Variants in GPALPP1 observed in about 807,000 individuals in gnomAD.
The protein encoded by GPALPP1 is GPALPP motifs-containing protein 1.
In GPALPP1, 30 loss-of-function variants were observed where a neutral mutation model predicts 38.9. That is an observed-to-expected ratio of 0.77 (90% CI 0.58 to 1.05). GPALPP1 has a LOEUF of 1.05. Ranked by LOEUF, GPALPP1 falls within the 50% of genes least tolerant of loss-of-function variation. GPALPP1 has a pLI of 0.00. For synonymous variants in GPALPP1, 120 were observed against 139.2 expected, an observed-to-expected ratio of 0.86 and a Z score of 0.97; for missense variants, 384 against 408.8, an observed-to-expected ratio of 0.94 and a Z score of 0.52.
intron 7 of GPALPP1, among the ~76,000 whole-genome samples, chr13:45,025,181 G>GT (rs999434356): frequency 1.7e-4 from 26 of 152,188 alleles, no homozygotes; most frequent in Non-Finnish European, 2.1e-4. Context: ...CATCAATTGT[G>GT]TTTTTTTATA....
chr13:45,018,970 CATATAAATATATAT>C (rs1875098107), intron 6 of GPALPP1, among the ~76,000 whole-genome samples: 1 of 72,866 alleles, frequency 1.4e-5, no homozygotes, highest in African/African-American at 4.4e-5. Context: ...AATATATATA[CATATAAATATATAT>C]ACATATAAAT....
rs181264358 is a variant in GPALPP1 at position 45,023,377 on chromosome 13, T to C, written c.804+2949T>C. 6.6e-5 allele frequency among the ~76,000 whole-genome samples: 10 copies of C among 152,368 alleles called. No individual in the cohort carries two copies. The East Asian group carries it at 1.9e-3, about 29-fold the overall frequency. On this transcript the variant is annotated intron_variant, in intron 7 of 7. Transcript: ENST00000379151. Reference sequence around the variant, plus strand: ...TCATGAATTTGAGCACTTGAATTGTTTGGATTGATTGTATAATAATAGTCC... The same window carrying C: ...TCATGAATTTGAGCACTTGAATTGTCTGGATTGATTGTATAATAATAGTCC...
rs959921461 is a variant in GPALPP1, at chr13:45,029,451, G to C, written c.*1448G>C. On this transcript the variant is annotated 3_prime_UTR_variant, in exon 8 of 8. Transcript: ENST00000379151. Reference sequence around the variant, plus strand: ...ATTCTATGTGCCTTTAGCTTCTGTGGAAGTATGGGGAATTATGGGCTTTTC... The same window carrying C: ...ATTCTATGTGCCTTTAGCTTCTGTGCAAGTATGGGGAATTATGGGCTTTTC... 2.6e-5 allele frequency: 4 copies of C among 152,296 alleles called. No individual in the cohort carries two copies. Among genetic ancestry groups the C allele is most frequent in the Non-Finnish European group, 4.4e-5 (3 of 68,032 alleles). 9.4% of individuals were successfully genotyped at this position (152,296 alleles called of 1,614,324 possible). A position where few individuals can be genotyped will look rare whatever the true frequency, so the allele number is the denominator to read the frequency against.
intron 1 of GPALPP1, among the ~76,000 whole-genome samples, chr13:44,995,191 C>CAA (rs1384716077): frequency 1.3e-4 from 5 of 39,226 alleles, no homozygotes; most frequent in African/African-American, 2.3e-4. Flanking sequence ...CACACACACA[C>CAA]ACACACACAC....
chr13:44,995,456 C>CA (rs1423391386), intron 1 of GPALPP1, among the ~76,000 whole-genome samples: 1 of 151,842 alleles, frequency 6.6e-6, no homozygotes, highest in Non-Finnish European at 1.5e-5. Flanking sequence ...TAATGATTCC[C>CA]AGTGAGAGTT....
At position 45,006,193 on chromosome 13, in the gene GPALPP1, T is replaced by C. The variant is rs199840712; in HGVS notation, c.222-9T>C. ...ATATATGCATAAAGTTATACTACTATGTTTTCAGAAAACAGAGGAAAAATC... is the reference window on the plus strand; with the variant it reads ...ATATATGCATAAAGTTATACTACTACGTTTTCAGAAAACAGAGGAAAAATC... On this transcript the variant is annotated splice_polypyrimidine_tract_variant and intron_variant, in intron 2 of 7. Transcript: ENST00000379151. 16 of 1,565,096 alleles carry C rather than the reference T, an allele frequency of 1.0e-5. No individual in the cohort carries two copies. The highest frequency in any genetic ancestry group is 1.4e-5 in the Non-Finnish European group (16 of 1,142,852).
At chr13:45,007,066 T>C (rs1350477042) in intron 3 of GPALPP1, among the ~76,000 whole-genome samples, 1 of 152,084 alleles carries the variant, frequency 6.6e-6, no homozygotes, top group African/African-American at 2.4e-5. Flanking sequence ...TAACTTTAGT[T>C]GTTTCAGATA....
Position 45,008,798 on chromosome 13 carries a change from C to T in GPALPP1, c.327C>T (p.Pro109=). Reference sequence around the variant, plus strand: ...AAAAGTACATTTTATTTTTCAGGCCCATAATAGGTCCTGCATTGCCACCTG... The same window carrying T: ...AAAAGTACATTTTATTTTTCAGGCCTATAATAGGTCCTGCATTGCCACCTG... ...FKKQDDSPPR[P]IIGPALPPGF... is the part of the protein sequence containing the mutation. Residue 109 remains proline (P), a synonymous_variant, in exon 4 of 8, where the codon CCC becomes CCT. Coordinates refer to ENST00000379151, the MANE Select transcript of GPALPP1 (RefSeq NM_018559.5). The T allele has an allele frequency of 6.6e-7, 1 of 1,524,906 alleles. No individual in the cohort carries two copies. The highest frequency in any genetic ancestry group is 1.4e-5 in the African/African-American group (1 of 73,292). 94.5% of individuals were successfully genotyped at this position (1,524,906 alleles called of 1,614,324 possible).
chr13:45,010,371 A>T (rs1181661919), intron 4 of GPALPP1, among the ~76,000 whole-genome samples: 1 of 151,640 alleles, frequency 6.6e-6, no homozygotes, highest in African/African-American at 2.4e-5. Flanking sequence ...CCCTTCTTTA[A>T]TTTTCCCCAT....
Position 44,992,087 on chromosome 13 carries a change from T to G in GPALPP1, c.88+2345T>G, listed in dbSNP as rs141803124. 1.7e-3 allele frequency among the ~76,000 whole-genome samples: 263 copies of G among 152,382 alleles called. 2 individuals carry two copies. Among genetic ancestry groups the G allele is most frequent in the African/African-American group, 5.9e-3 (245 of 41,592 alleles). ...ATGCATTGTAGTATATGTCTTATGGTAGATACTCCCAGCTTCCAAAGTCAC... is the reference window on the plus strand; with the variant it reads ...ATGCATTGTAGTATATGTCTTATGGGAGATACTCCCAGCTTCCAAAGTCAC... On this transcript the variant is annotated intron_variant, in intron 1 of 7. Transcript: ENST00000379151.
At chr13:45,016,921 T>G (rs1479607518) in intron 6 of GPALPP1, among the ~76,000 whole-genome samples, 1 of 151,436 alleles carries the variant, frequency 6.6e-6, no homozygotes, top group East Asian at 2.0e-4. Context: ...CGTGAGCCGC[T>G]GTGCGCAGCC....
chr13:45,031,910 G>T (rs1876215033), downstream of GPALPP1: 1 of 152,042 alleles, frequency 6.6e-6, no homozygotes, highest in Non-Finnish European at 1.5e-5. Flanking sequence ...TAGGAATGTG[G>T]CCTCTTTTGA....
chr13:45,004,789 A>C (rs1873955558), intron 2 of GPALPP1, among the ~76,000 whole-genome samples: 1 of 151,770 alleles, frequency 6.6e-6, no homozygotes, highest in African/African-American at 2.4e-5. Flanking sequence ...CTGGAACCAC[A>C]GGTGCCCGCA....
At chr13:45,033,760 T>C (rs999616904), downstream of GPALPP1, 2 of 152,220 alleles carry the variant, frequency 1.3e-5, no homozygotes, top group Admixed American at 6.5e-5. Context: ...TCCAACTCGC[T>C]TGCCAGGTTT....
At chr13:45,011,171 A>G (rs1393209211) in intron 4 of GPALPP1, among the ~76,000 whole-genome samples, 1 of 151,904 alleles carries the variant, frequency 6.6e-6, no homozygotes, top group Non-Finnish European at 1.5e-5. Flanking sequence ...GAAGTTCAAT[A>G]TGGTTAGAAT....
chr13:45,014,728 G>C (rs972869450), intron 4 of GPALPP1, among the ~76,000 whole-genome samples: 2 of 152,180 alleles, frequency 1.3e-5, no homozygotes, highest in African/African-American at 4.8e-5. Flanking sequence ...AGAGAGGTGG[G>C]AGGTGGGAGA....
intron 1 of GPALPP1, among the ~76,000 whole-genome samples, chr13:44,991,747 C>T (rs1872821802): frequency 6.6e-6 from 1 of 152,206 alleles, no homozygotes; most frequent in African/African-American, 2.4e-5. Context: ...CCTGCATCAC[C>T]ACCCCTCCTA....
chr13:45,026,454 G>A (rs1291781706), intron 7 of GPALPP1, among the ~76,000 whole-genome samples: 1 of 152,072 alleles, frequency 6.6e-6, no homozygotes, highest in Non-Finnish European at 1.5e-5. Context: ...TCAAATAAAT[G>A]TGTTAATGAC....
At chr13:45,008,289 G>C (rs1452064163) in intron 3 of GPALPP1, among the ~76,000 whole-genome samples, 1 of 152,088 alleles carries the variant, frequency 6.6e-6, no homozygotes, top group African/African-American at 2.4e-5. Flanking sequence ...ATGTTATATA[G>C]ACCACAGATT....
Sources: allele counts gnomAD v4.1 joint callset (sites outside exome capture counted in the v4.1 genomes callset), GRCh38; gene constraint gnomAD v4.1.1; transcripts MANE v1.5; gene names NCBI Gene and HGNC (gene_info 2026-07-23, HGNC 2026-07-21).